STAG1: variants seen among roughly 807,000 people sequenced by gnomAD.
STAG1 encodes STAG1 cohesin complex component.
A neutral mutation model predicts 170.9 loss-of-function variants in STAG1; 26 were observed. That is an observed-to-expected ratio of 0.15 (90% CI 0.11 to 0.21). The LOEUF (loss-of-function observed/expected upper bound fraction) is 0.21, where lower values mean the gene tolerates loss of function less well. Ranked by LOEUF, STAG1 falls within the 10% of genes least tolerant of loss-of-function variation. STAG1 has a pLI of 1.00. For synonymous variants in STAG1, 514 were observed against 497.7 expected (o/e 1.03, Z -0.44); for missense variants, 964 against 1,509.5 (o/e 0.64, Z 5.99).
intron 15 of STAG1, among the ~76,000 whole-genome samples, chr3:136,436,594 T>C (rs1376712238): frequency 6.6e-6 from 1 of 151,984 alleles, no homozygotes; most frequent in Non-Finnish European, 1.5e-5. Flanking sequence ...AACTCAGATT[T>C]TGATAATTCG....
At chr3:136,518,185 A>G (rs1934481529) in intron 7 of STAG1, 1 of 414,590 alleles carries the variant, frequency 2.4e-6, no homozygotes, top group Non-Finnish European at 4.3e-6. Flanking sequence ...TACTGATAAG[A>G]CCACTCTGAT....
chr3:136,507,923 C>A (rs1933852340), intron 7 of STAG1, among the ~76,000 whole-genome samples: 2 of 151,952 alleles, frequency 1.3e-5, no homozygotes, highest in African/African-American at 4.8e-5. Context: ...CTGTGTCTTT[C>A]CAAAGAAAAA....
chr3:136,646,341 TTTCTGA>T (rs1209355963), intron 1 of STAG1, among the ~76,000 whole-genome samples: 4 of 152,318 alleles, frequency 2.6e-5, no homozygotes, highest in Middle Eastern at 6.8e-3. Flanking sequence ...CGTGGCTCCC[TTTCTGA>T]TTCTCTTCAA....
intron 7 of STAG1, among the ~76,000 whole-genome samples, chr3:136,516,630 C>T (rs967259887): frequency 2.0e-5 from 3 of 152,106 alleles, no homozygotes; most frequent in Admixed American, 1.3e-4. Flanking sequence ...TGTCTTATTA[C>T]TTTTTATTAA....
At chr3:136,641,999 G>C (rs1425445911) in intron 1 of STAG1, among the ~76,000 whole-genome samples, 2 of 152,074 alleles carry the variant, frequency 1.3e-5, no homozygotes, top group Non-Finnish European at 1.5e-5. Context: ...TGAAGAAAAA[G>C]AGGTGAGGTA....
intron 1 of STAG1, among the ~76,000 whole-genome samples, chr3:136,666,820 T>TAAAAA (rs754138930): frequency 7.5e-6 from 1 of 132,486 alleles, no homozygotes. Flanking sequence ...ACTCTGTCTT[T>TAAAAA]AAAAAAAAAA....
At chr3:136,608,797 C>CAAAAAA (rs34993713) in intron 3 of STAG1, among the ~76,000 whole-genome samples, 12 of 79,142 alleles carry the variant, frequency 1.5e-4, no homozygotes, top group Non-Finnish European at 2.4e-4. Context: ...GACCCTATCT[C>CAAAAAA]AAAAAAAAAA....
At chr3:136,449,997 A>C (rs1018440210) in intron 14 of STAG1, among the ~76,000 whole-genome samples, 2 of 151,610 alleles carry the variant, frequency 1.3e-5, no homozygotes, top group Non-Finnish European at 2.9e-5. Context: ...CCTGGGCTCA[A>C]GGGATCCTCC....
chr3:136,464,164 C>T (rs1017218554), intron 13 of STAG1, among the ~76,000 whole-genome samples: 11 of 151,986 alleles, frequency 7.2e-5, no homozygotes, highest in African/African-American at 2.2e-4. Flanking sequence ...TGGCTCATGC[C>T]TGTAATCCCA....
rs562603747 is a variant in STAG1 at position 136,586,976 on chromosome 3, T to C, written c.297+17333A>G. The C allele has an allele frequency of 5.6e-4, 243 of 436,822 alleles. 4 individuals are homozygous for C. Among genetic ancestry groups the C allele is most frequent in the South Asian group, 3.9e-3 (237 of 60,686 alleles). 27.1% of individuals were successfully genotyped at this position (436,822 alleles called of 1,614,324 possible). A position where few individuals can be genotyped will look rare whatever the true frequency, so the allele number is the denominator to read the frequency against. ...TGGAGGGGCTTAGATTCCTGAATCATCCTATGAAGAAAAGATAGCTACCAC... is the reference window on the plus strand; with the variant it reads ...TGGAGGGGCTTAGATTCCTGAATCACCCTATGAAGAAAAGATAGCTACCAC... On this transcript the variant is annotated intron_variant, in intron 4 of 33. Transcript: ENST00000383202.
chr3:136,702,060 G>A (rs1332699720), intron 1 of STAG1, among the ~76,000 whole-genome samples: 60 of 137,846 alleles, frequency 4.4e-4, no homozygotes, highest in Non-Finnish European at 3.0e-4. Flanking sequence ...CTACAGGCAT[G>A]CACCACCATG....
intron 4 of STAG1, among the ~76,000 whole-genome samples, chr3:136,590,680 G>A (rs895490650): frequency 5.3e-5 from 8 of 152,128 alleles, no homozygotes; most frequent in Non-Finnish European, 7.3e-5. Flanking sequence ...ATGATGAGCT[G>A]TAACTGTAGA....
intron 10 of STAG1, among the ~76,000 whole-genome samples, chr3:136,476,652 G>A (rs957081819): frequency 1.3e-5 from 2 of 152,050 alleles, no homozygotes; most frequent in Admixed American, 1.3e-4. Context: ...ACTTATAATG[G>A]GAATGAAAAT....
chr3:136,545,609 G>A (rs1936122245), intron 5 of STAG1, among the ~76,000 whole-genome samples: 1 of 152,008 alleles, frequency 6.6e-6, no homozygotes, highest in Non-Finnish European at 1.5e-5. Context: ...ATTTGAGGAG[G>A]GGGTCTGGGG....
Position 136,490,143 on chromosome 3 carries a change from C to T in STAG1, c.902+10080G>A, listed in dbSNP as rs532418833. The stretch of plus-strand genomic sequence containing the variant: ...GCAACCTCCACCTCCCGGGTTCAAG[C>T]GATTCTCCTGCTTCAGCCTCCTGAG... On this transcript the variant is annotated intron_variant, in intron 9 of 33. Coordinates refer to ENST00000383202, the MANE Select transcript of STAG1 (RefSeq NM_005862.3). 4.6e-5 allele frequency among the ~76,000 whole-genome samples: 7 copies of T among 152,166 alleles called. No homozygotes were observed. In the East Asian group the frequency reaches 5.8e-4, roughly 13 times the overall value.
chr3:136,506,760 TTTTG>T (rs1307600108), intron 7 of STAG1, among the ~76,000 whole-genome samples: 30 of 152,260 alleles, frequency 2.0e-4, no homozygotes, highest in East Asian at 9.6e-4. Context: ...TTAGAAATAT[TTTTG>T]TTTATTAGTT....
At chr3:136,515,652 G>A (rs1219413652) in intron 7 of STAG1, among the ~76,000 whole-genome samples, 1 of 152,056 alleles carries the variant, frequency 6.6e-6, no homozygotes, top group Non-Finnish European at 1.5e-5. Flanking sequence ...AAAACTGGCT[G>A]CCAAAAGAAA....
At chr3:136,676,389 T>G (rs978994351) in intron 1 of STAG1, among the ~76,000 whole-genome samples, 4 of 152,252 alleles carry the variant, frequency 2.6e-5, no homozygotes, top group African/African-American at 9.6e-5. Context: ...TTTTAAACTT[T>G]TTGACTCTTT....
intron 4 of STAG1, among the ~76,000 whole-genome samples, chr3:136,575,820 T>C (rs531660841): frequency 1.3e-5 from 2 of 152,296 alleles, no homozygotes; most frequent in Non-Finnish European, 1.5e-5. Context: ...TCAGCTAATA[T>C]TAATACTTCA....
Sources: allele counts gnomAD v4.1 joint callset (sites outside exome capture counted in the v4.1 genomes callset), GRCh38; gene constraint gnomAD v4.1.1; transcripts MANE v1.5; gene names NCBI Gene and HGNC (gene_info 2026-07-23, HGNC 2026-07-21).